TJP1: variants seen among roughly 807,000 people sequenced by gnomAD.
The protein encoded by TJP1 is tight junction protein 1, also known as tight junction protein ZO-1.
TJP1 carries 43 observed loss-of-function variants against 194.2 expected under a neutral mutation model. That is an observed-to-expected ratio of 0.22 (90% confidence interval 0.17 to 0.29). The LOEUF is 0.29. TJP1 is among the 10% of genes least tolerant of loss of function. The probability of loss-of-function intolerance (pLI) is 1.00; values close to 1 mark genes in which losing one functional copy is unlikely to be tolerated. For missense variants in TJP1, 1,971 were observed against 2,185.7 expected (o/e 0.90, Z 1.96); for synonymous variants, 801 against 779.0 (o/e 1.03, Z -0.47).
chr15:29,949,055 T>A (rs1172418582), intron 2 of TJP1, among the ~76,000 whole-genome samples: 40 of 103,644 alleles, frequency 3.9e-4, no homozygotes, highest in Non-Finnish European at 6.5e-4. Context: ...CTCCGCCACC[T>A]CCACCACCAC....
At chr15:29,955,753 T>TAA (rs563535771) in intron 2 of TJP1, among the ~76,000 whole-genome samples, 1,702 of 35,758 alleles carry the variant, frequency 0.048, 122 homozygotes, top group African/African-American at 0.077. Flanking sequence ...CCTGGCTCTT[T>TAA]AAAAAAAAAA....
At chr15:29,717,584 A>T (rs1193335121) in intron 22 of TJP1, among the ~76,000 whole-genome samples, 3 of 152,156 alleles carry the variant, frequency 2.0e-5, no homozygotes, top group Non-Finnish European at 4.4e-5. Flanking sequence ...CAACAGTGTC[A>T]CCTCATTATG....
In TJP1 at chr15:29,766,252, T is replaced by C; in HGVS notation, c.589+14A>G. ...TTTCATGTGAAAAAAACAGCAAGAGTTGGCAGAGAATACCTTCATTTTTCC... is the reference window on the plus strand; with the variant it reads ...TTTCATGTGAAAAAAACAGCAAGAGCTGGCAGAGAATACCTTCATTTTTCC... On this transcript the variant is annotated intron_variant, in intron 5 of 27. Transcript: ENST00000614355. 4 of 1,602,244 alleles carry C rather than the reference T, an allele frequency of 2.5e-6. No individual in the cohort carries two copies. The highest frequency in any genetic ancestry group is 3.4e-6 in the Non-Finnish European group (4 of 1,175,306).
chr15:29,956,296 C>T, exon 2 of TJP1: 2 of 1,289,028 alleles, frequency 1.6e-6, no homozygotes. Flanking sequence ...TTTAATTCGT[C>T]TTAAAGAGGG....
chr15:29,822,417 C>T lies in TJP1; in HGVS notation c.-389G>A, dbSNP rs968990675. On this transcript the variant is annotated 5_prime_UTR_variant, in exon 1 of 28. Transcript: ENST00000614355. Reference sequence around the variant, plus strand: ...TAACTTCCCGGGAACCGGCGGCCGCCAAGGAACGCGGCGTCCGCTGGCTCA... The same window carrying T: ...TAACTTCCCGGGAACCGGCGGCCGCTAAGGAACGCGGCGTCCGCTGGCTCA... 1 of 992,700 alleles carries T rather than the reference C, an allele frequency of 1.0e-6. No homozygotes were observed. The highest frequency in any genetic ancestry group is 1.7e-5 in the African/African-American group (1 of 57,528). The allele number at this position is 992,700 out of a possible 1,614,324, so 61.5% of individuals were successfully genotyped here. A position where few individuals can be genotyped will look rare whatever the true frequency, so the allele number is the denominator to read the frequency against.
intron 2 of TJP1, among the ~76,000 whole-genome samples, chr15:29,885,988 T>A (rs115925185): frequency 0.016 from 2,444 of 152,200 alleles, 64 homozygotes; most frequent in African/African-American, 0.056. Context: ...AGCAAAAGCA[T>A]TAGGGTTTTT....
rs1296878777 is a variant in TJP1 at position 29,726,761 on chromosome 15, G to T, written c.2311+20C>A. The T allele has an allele frequency of 6.2e-7, 1 of 1,606,442 alleles. No individual in the cohort carries two copies. Among genetic ancestry groups the T allele is most frequent in the East Asian group, 2.2e-5 (1 of 44,822 alleles). ...CCCAGACATTGTAAGCTGAAAGAAG[G>T]CCTTTATTAACATACTCACTTGTAA... On this transcript the variant is annotated intron_variant, in intron 17 of 27. Transcript: ENST00000614355.
intron 2 of TJP1, among the ~76,000 whole-genome samples, chr15:29,911,814 A>G (rs563369905): frequency 6.6e-6 from 1 of 152,240 alleles, no homozygotes; most frequent in Non-Finnish European, 1.5e-5. Context: ...TTTGTTAAGC[A>G]TGCATTCCTC....
chr15:29,716,906 G>GT (rs2042604347), intron 22 of TJP1, 68 bp from the exon 23 acceptor site: 1 of 1,362,768 alleles, frequency 7.3e-7, no homozygotes, highest in Non-Finnish European at 1.0e-6. Flanking sequence ...AGTAGAATAT[G>GT]TAAGTCTTAT....
chr15:29,848,544 A>C (rs2051508438), intron 2 of TJP1, among the ~76,000 whole-genome samples: 1 of 152,228 alleles, frequency 6.6e-6, no homozygotes, highest in Non-Finnish European at 1.5e-5. Context: ...CAAATTTAAA[A>C]ATAAAACTTT....
intron 13 of TJP1, 113 bp downstream of exon 13, chr15:29,732,981 G>T: frequency 2.3e-6 from 3 of 1,301,618 alleles, no homozygotes; most frequent in East Asian, 2.4e-5. Context: ...TTATAGATAC[G>T]TTGAATACAA....
At chr15:29,908,000 A>G (rs1345333704) in intron 2 of TJP1, among the ~76,000 whole-genome samples, 1 of 144,356 alleles carries the variant, frequency 6.9e-6, no homozygotes, top group Non-Finnish European at 1.5e-5. Context: ...GAGGGGAAAA[A>G]CACCGATAGA....
chr15:29,954,257 T>C, intron 2 of TJP1, among the ~76,000 whole-genome samples: 1 of 152,202 alleles, frequency 6.6e-6, no homozygotes, highest in East Asian at 1.9e-4. Context: ...TGTGGAAAAC[T>C]GAAGGCCATC....
rs555357338 is a variant in TJP1, at chr15:29,828,537, A to G, written c.307-27835T>C. Among the ~76,000 whole-genome samples the G allele has an allele frequency of 3.3e-5, 5 of 152,284 alleles. No individual in the cohort carries two copies. The South Asian group carries it at 1.0e-3, about 32-fold the overall frequency. ...CACTGATACTGCCAAATTGCCGTCTAAGAAAACCAGATCAGCTTATTTTGT... is the reference window on the plus strand; with the variant it reads ...CACTGATACTGCCAAATTGCCGTCTGAGAAAACCAGATCAGCTTATTTTGT... On this transcript the variant is annotated intron_variant, in intron 2 of 28. Coordinates refer to the TJP1 transcript ENST00000356107.
chr15:29,943,628 C>CAA lies in TJP1; in HGVS notation c.306+12602_306+12603dup, dbSNP rs71103417. On this transcript the variant is annotated intron_variant, in intron 2 of 28. Coordinates refer to the TJP1 transcript ENST00000356107. ...GGCTGACAACAGTGAGACTCCATCTCAAAAAAAAAAAAAAAAAAAAAAAAA... is the reference window on the plus strand; with the variant it reads ...GGCTGACAACAGTGAGACTCCATCTCAAAAAAAAAAAAAAAAAAAAAAAAAAA... Among the ~76,000 whole-genome samples, 272 of 50,818 alleles carry CAA rather than the reference C, an allele frequency of 5.4e-3. 1 individual carries two copies. The highest frequency in any genetic ancestry group is 6.7e-3 in the East Asian group (12 of 1,794). 33.3% of individuals were successfully genotyped at this position (50,818 alleles called of 152,430 possible).
At chr15:29,946,649 C>T (rs1457911169) in intron 2 of TJP1, among the ~76,000 whole-genome samples, 3 of 152,182 alleles carry the variant, frequency 2.0e-5, no homozygotes, top group Admixed American at 2.0e-4. Context: ...AGGGAAAGGC[C>T]GATTTCTGTT....
intron 2 of TJP1, among the ~76,000 whole-genome samples, chr15:29,947,809 G>C (rs2055334828): frequency 6.6e-6 from 1 of 152,318 alleles, no homozygotes; most frequent in South Asian, 2.1e-4. Context: ...CAGCCACCTA[G>C]AGACTGGACG....
chr15:29,813,500 A>G (rs969530285), intron 1 of TJP1, among the ~76,000 whole-genome samples: 1 of 152,234 alleles, frequency 6.6e-6, no homozygotes, highest in Non-Finnish European at 1.5e-5. Context: ...AATGAGCTAC[A>G]GTTCTCCACA....
At chr15:29,923,038 C>T (rs1285627065) in intron 2 of TJP1, among the ~76,000 whole-genome samples, 1 of 152,134 alleles carries the variant, frequency 6.6e-6, no homozygotes, top group Non-Finnish European at 1.5e-5. Flanking sequence ...CAAATCACCA[C>T]AGATTAAGAA....
Sources: allele counts gnomAD v4.1 joint callset (sites outside exome capture counted in the v4.1 genomes callset), GRCh38; gene constraint gnomAD v4.1.1; transcripts MANE v1.5; gene names NCBI Gene and HGNC (gene_info 2026-07-23, HGNC 2026-07-21).